PLCG2: variants seen among roughly 807,000 people sequenced by gnomAD.
The protein encoded by PLCG2 is phospholipase C gamma 2.
PLCG2 carries 69 observed loss-of-function variants against 175.6 expected under a neutral mutation model. That is an observed-to-expected ratio of 0.39 (90% CI 0.32 to 0.48). PLCG2 has a LOEUF of 0.48. Ranked by LOEUF, PLCG2 falls within the 20% of genes least tolerant of loss-of-function variation. The probability of loss-of-function intolerance (pLI) is 0.91; values close to 1 mark genes in which losing one functional copy is unlikely to be tolerated. For synonymous variants in PLCG2, 827 were observed against 624.0 expected (o/e 1.33, Z -4.85); for missense variants, 1,798 against 1,650.9 (o/e 1.09, Z -1.54).
chr16:81,906,027 C>T (rs1397197408), intron 15 of PLCG2, among the ~76,000 whole-genome samples: 1 of 152,212 alleles, frequency 6.6e-6, no homozygotes, highest in African/African-American at 2.4e-5. Context: ...TATATTTACA[C>T]ACACAAATAG....
intron 31 of PLCG2, among the ~76,000 whole-genome samples, chr16:81,955,756 C>A (rs370810146): frequency 6.6e-6 from 1 of 152,182 alleles, no homozygotes; most frequent in Non-Finnish European, 1.5e-5. Context: ...CCCACGGATG[C>A]GTCTAGTTGG....
intron 12 of PLCG2, chr16:81,895,594 A>T (rs1444282400): frequency 6.0e-6 from 3 of 498,860 alleles, no homozygotes; most frequent in Non-Finnish European, 1.1e-5. Context: ...AGCAGCATTG[A>T]AACTAGCTTG....
intron 2 of PLCG2, among the ~76,000 whole-genome samples, chr16:81,838,233 C>G (rs1905628560): frequency 6.6e-6 from 1 of 152,022 alleles, no homozygotes; most frequent in Non-Finnish European, 1.5e-5. Flanking sequence ...ACTGTAGGCA[C>G]CTGCCACCAT....
intron 2 of PLCG2, among the ~76,000 whole-genome samples, chr16:81,823,129 T>C (rs1904878502): frequency 6.6e-6 from 1 of 152,262 alleles, no homozygotes; most frequent in South Asian, 2.1e-4. Flanking sequence ...CACAGGAAAG[T>C]GGCCTCTTGG....
intron 2 of PLCG2, among the ~76,000 whole-genome samples, chr16:81,806,720 C>G (rs1022310620): frequency 1.3e-5 from 2 of 151,954 alleles, no homozygotes; most frequent in African/African-American, 4.8e-5. Context: ...GGGCTGGGGA[C>G]ATGGAAGGCC....
chr16:81,836,097 T>A (rs1172419801), intron 2 of PLCG2, among the ~76,000 whole-genome samples: 7 of 152,210 alleles, frequency 4.6e-5, no homozygotes, highest in Admixed American at 4.6e-4. Context: ...CGTTTATACT[T>A]TCTTTCCAGG....
At chr16:81,837,803 C>T (rs1050921857) in intron 2 of PLCG2, among the ~76,000 whole-genome samples, 6 of 149,834 alleles carry the variant, frequency 4.0e-5, no homozygotes, top group Non-Finnish European at 5.9e-5. Context: ...CTCATGTGAA[C>T]GTTACCCAAT....
intron 1 of PLCG2, among the ~76,000 whole-genome samples, chr16:81,744,013 T>C (rs1399676506): frequency 6.6e-6 from 1 of 151,506 alleles, no homozygotes; most frequent in Non-Finnish European, 1.5e-5. Context: ...CATCCGCCAC[T>C]GCACCCAGCT....
At chr16:81,908,655 C>T (rs903706925) in intron 17 of PLCG2, 64 bp downstream of exon 17, 81 of 1,442,054 alleles carry the variant, frequency 5.6e-5, no homozygotes, top group African/African-American at 8.4e-5. Flanking sequence ...GGCAGGGTGG[C>T]GAGTGGTTCT....
At chr16:81,898,476 C>T (rs1032854819) in intron 13 of PLCG2, 2 of 152,144 alleles carry the variant, frequency 1.3e-5, no homozygotes, top group African/African-American at 4.8e-5. Context: ...CCACGCTTCC[C>T]AGGAGTGATG....
At chr16:81,828,719 C>T (rs1002939292) in intron 2 of PLCG2, among the ~76,000 whole-genome samples, 10 of 152,258 alleles carry the variant, frequency 6.6e-5, no homozygotes, top group South Asian at 2.1e-4. Flanking sequence ...AGAAGCCAGC[C>T]GTCACAGCCT....
At chr16:81,874,964 T>G (rs189723004) in intron 7 of PLCG2, among the ~76,000 whole-genome samples, 208 of 44,586 alleles carry the variant, frequency 4.7e-3, no homozygotes, top group Non-Finnish European at 6.6e-3. Context: ...TTTTTTTTTT[T>G]TTTTTTTTTT....
At chr16:81,935,330 C>T (rs1910662395) in intron 26 of PLCG2, among the ~76,000 whole-genome samples, 1 of 152,074 alleles carries the variant, frequency 6.6e-6, no homozygotes, top group Non-Finnish European at 1.5e-5. Flanking sequence ...CCTCCCATTT[C>T]AAGCTCCTTA....
At chr16:81,852,895 G>A (rs994075504) in intron 2 of PLCG2, among the ~76,000 whole-genome samples, 8 of 152,120 alleles carry the variant, frequency 5.3e-5, no homozygotes, top group African/African-American at 1.7e-4. Context: ...TGTTGGCTGA[G>A]GGCATTGATT....
At chr16:81,877,008 G>T (rs1246986199) in intron 7 of PLCG2, among the ~76,000 whole-genome samples, 2 of 152,108 alleles carry the variant, frequency 1.3e-5, no homozygotes, top group Admixed American at 6.5e-5. Flanking sequence ...TGCCTCCCTG[G>T]GCCTGTTTCT....
chr16:81,787,097 G>T (rs1358563663), intron 2 of PLCG2, among the ~76,000 whole-genome samples: 2 of 152,142 alleles, frequency 1.3e-5, no homozygotes, highest in African/African-American at 2.4e-5. Context: ...TTCTTTCTTG[G>T]ACACATGACA....
At chr16:81,922,028 C>T (rs377666602) in intron 21 of PLCG2, among the ~76,000 whole-genome samples, 3 of 152,328 alleles carry the variant, frequency 2.0e-5, no homozygotes, top group South Asian at 2.1e-4. Flanking sequence ...GCGATGAGAA[C>T]AGTCACCTCT....
chr16:81,825,283 A>ATTTTTTTTTTT (rs577002663), intron 2 of PLCG2, among the ~76,000 whole-genome samples: 1 of 115,878 alleles, frequency 8.6e-6, no homozygotes, highest in Non-Finnish European at 1.8e-5. Context: ...AGATGCTCTA[A>ATTTTTTTTTTT]TTTTTTTTTT....
intron 27 of PLCG2, 85 bp from the exon 28 acceptor site, chr16:81,937,673 A>T: frequency 1.6e-6 from 2 of 1,212,730 alleles, no homozygotes; most frequent in Non-Finnish European, 1.2e-6. Context: ...AAAAGGTGAA[A>T]TTCATTCCCC....
Sources: gnomAD v4.1 joint callset for allele counts (sites outside exome capture counted in the v4.1 genomes callset) on GRCh38, gnomAD v4.1.1 for gene constraint, MANE v1.5 for transcripts, NCBI Gene and HGNC (gene_info 2026-07-23, HGNC 2026-07-21) for gene names.